The following FRMPD4 variants were observed in gnomAD, a reference collection of about 807,000 sequenced individuals.
FRMPD4 encodes the protein FERM and PDZ domain containing 4.
In FRMPD4, 22 loss-of-function variants were observed where a neutral mutation model predicts 94.1. The ratio of observed to expected loss-of-function variants is 0.23; its 90% CI spans 0.17 to 0.33. The LOEUF is 0.33. Among genes scored for constraint, FRMPD4 ranks in the 10% least tolerant of loss-of-function variants. The pLI is 1.00. For missense variants in FRMPD4, 1,111 were observed against 1,339.9 expected (o/e 0.83, Z 2.67); for synonymous variants, 631 against 548.6 (o/e 1.15, Z -2.10).
intron 1 of FRMPD4, among the ~76,000 whole-genome samples, chrX:11,845,751 G>A (rs1428273966): frequency 9.1e-5 from 10 of 110,103 alleles, no homozygotes; most frequent in Admixed American, 2.9e-4. Flanking sequence ...ATGTAATCCA[G>A]CATATAAACA....
intron 5 of FRMPD4, among the ~76,000 whole-genome samples, chrX:12,679,324 C>G (rs1461839225): frequency 9.0e-6 from 1 of 111,660 alleles, no homozygotes; most frequent in Non-Finnish European, 1.9e-5. Context: ...TTTATACTCA[C>G]AGGTCCTAGA....
At chrX:12,705,235 G>A (rs1378307552) in intron 11 of FRMPD4, among the ~76,000 whole-genome samples, 1 of 111,924 alleles carries the variant, frequency 8.9e-6, no homozygotes, top group Non-Finnish European at 1.9e-5. Context: ...AAACACAAAG[G>A]AAATTTTAAA....
intron 1 of FRMPD4, among the ~76,000 whole-genome samples, chrX:12,190,694 T>TGA (rs1555931974): frequency 1.1e-5 from 1 of 86,997 alleles, no homozygotes; most frequent in Non-Finnish European, 2.3e-5. Flanking sequence ...ACATCCACAT[T>TGA]AAAAAAAAAA....
intron 4 of FRMPD4, among the ~76,000 whole-genome samples, chrX:12,648,621 C>G (rs2059568993): frequency 8.9e-6 from 1 of 112,227 alleles, no homozygotes; most frequent in Admixed American, 9.5e-5. Context: ...GTGATAGTTA[C>G]CTGTCAACGT....
chrX:12,255,696 CA>C (rs2054104167), intron 1 of FRMPD4, among the ~76,000 whole-genome samples: 1 of 111,692 alleles, frequency 9.0e-6, no homozygotes, highest in Admixed American at 9.5e-5. Flanking sequence ...TATCATTCTC[CA>C]GTGTAATTAA....
At chrX:11,849,317 T>C (rs1446855822) in intron 1 of FRMPD4, among the ~76,000 whole-genome samples, 2 of 111,358 alleles carry the variant, frequency 1.8e-5, no homozygotes, top group Non-Finnish European at 3.8e-5. Context: ...AAATGGGAGA[T>C]TTAATATCAT....
chrX:12,702,454 C>T (rs749586563), intron 10 of FRMPD4, among the ~76,000 whole-genome samples: 1 of 111,889 alleles, frequency 8.9e-6, no homozygotes, highest in African/African-American at 3.3e-5. Flanking sequence ...TGGGACTCCC[C>T]GTTGTGCTAT....
intron 1 of FRMPD4, among the ~76,000 whole-genome samples, chrX:12,437,892 A>G (rs974111479): frequency 8.9e-6 from 1 of 111,956 alleles, no homozygotes; most frequent in Non-Finnish European, 1.9e-5. Context: ...GTTAGTTGTA[A>G]TTTCAAATAG....
chrX:12,524,650 T>G (rs2058201458), intron 2 of FRMPD4, among the ~76,000 whole-genome samples: 1 of 111,765 alleles, frequency 8.9e-6, no homozygotes, highest in South Asian at 3.8e-4. Flanking sequence ...TGTCCTTTTC[T>G]GCTACCTGTC....
intron 5 of FRMPD4, among the ~76,000 whole-genome samples, chrX:12,676,015 C>T (rs145331988): frequency 1.3e-3 from 145 of 112,066 alleles, no homozygotes; most frequent in African/African-American, 4.5e-3. Flanking sequence ...ATTATGCCAT[C>T]TTACTATGCA....
chrX:12,475,554 T>C (rs1439228575), intron 1 of FRMPD4, among the ~76,000 whole-genome samples: 1 of 111,745 alleles, frequency 8.9e-6, no homozygotes, highest in Non-Finnish European at 1.9e-5. Context: ...GATTGTATAT[T>C]TAGAAAACCC....
chrX:12,008,936 G>C (rs913919250), intron 3 of FRMPD4, among the ~76,000 whole-genome samples: 1 of 111,703 alleles, frequency 9.0e-6, no homozygotes, highest in African/African-American at 3.3e-5. Flanking sequence ...AATATTTCAT[G>C]ATATGTATTT....
intron 1 of FRMPD4, among the ~76,000 whole-genome samples, chrX:12,143,792 CCTTAT>C (rs2055725403): frequency 8.9e-6 from 1 of 112,220 alleles, no homozygotes; most frequent in Non-Finnish European, 1.9e-5. Flanking sequence ...TTAATATAGA[CCTTAT>C]CTTTATTGAA....
At chrX:12,451,453 G>A (rs982430728) in intron 1 of FRMPD4, among the ~76,000 whole-genome samples, 2 of 111,249 alleles carry the variant, frequency 1.8e-5, no homozygotes, top group Non-Finnish European at 3.8e-5. Flanking sequence ...GAGAGTTGAG[G>A]GACATTTTCA....
intron 1 of FRMPD4, among the ~76,000 whole-genome samples, chrX:12,293,033 C>T (rs761180934): frequency 1.8e-4 from 20 of 109,331 alleles, no homozygotes; most frequent in African/African-American, 6.7e-4. Flanking sequence ...TATTCATCAC[C>T]TATCAGGTTG....
chrX:12,409,305 T>C (rs774628209), intron 1 of FRMPD4, among the ~76,000 whole-genome samples: 9 of 111,673 alleles, frequency 8.1e-5, no homozygotes, highest in Non-Finnish European at 1.7e-4. Context: ...CCGAAGATGC[T>C]GCTGAACACC....
intron 1 of FRMPD4, among the ~76,000 whole-genome samples, chrX:12,195,322 G>T (rs371989625): frequency 6.9e-4 from 77 of 111,502 alleles, no homozygotes; most frequent in African/African-American, 2.5e-3. Flanking sequence ...GGACCCATGG[G>T]ACTCAGCATA....
intron 3 of FRMPD4, among the ~76,000 whole-genome samples, chrX:11,922,658 G>T (rs371022982): frequency 8.9e-6 from 1 of 112,129 alleles, no homozygotes; most frequent in Admixed American, 9.4e-5. Context: ...CAGAAGGAGG[G>T]GACCCCTTGA....
intron 3 of FRMPD4, among the ~76,000 whole-genome samples, chrX:12,021,900 G>A (rs776531422): frequency 2.7e-5 from 3 of 112,681 alleles, no homozygotes; most frequent in Non-Finnish European, 5.6e-5. Flanking sequence ...GAGACCTTCA[G>A]CATAGCTGAA....
Sources: allele counts gnomAD v4.1 joint callset (sites outside exome capture counted in the v4.1 genomes callset), GRCh38; gene constraint gnomAD v4.1.1; transcripts MANE v1.5; gene names NCBI Gene and HGNC (gene_info 2026-07-23, HGNC 2026-07-21).